NAALADL2: variants seen among roughly 807,000 people sequenced by gnomAD.
The protein encoded by NAALADL2 is N-acetylated alpha-linked acidic dipeptidase like 2, also known as inactive N-acetylated-alpha-linked acidic dipeptidase-like protein 2.
NAALADL2 carries 76 observed loss-of-function variants against 87.2 expected under a neutral mutation model. The observed-to-expected ratio is 0.87, with a 90% CI of 0.72 to 1.05. The LOEUF is 1.05. Ranked by LOEUF, NAALADL2 falls within the 50% of genes least tolerant of loss-of-function variation. The pLI, the probability that NAALADL2 is intolerant of heterozygous loss-of-function variation, is 0.00. For missense variants in NAALADL2, 1,089 were observed against 945.8 expected (o/e 1.15, Z -1.99); for synonymous variants, 354 against 331.0 (o/e 1.07, Z -0.75).
At chr3:175,787,307 C>T (rs1387918114) in intron 13 of NAALADL2, among the ~76,000 whole-genome samples, 6 of 152,080 alleles carry the variant, frequency 3.9e-5, no homozygotes, top group Non-Finnish European at 7.4e-5. Flanking sequence ...GCCCCTCCCC[C>T]AGCCTTCCTG....
At chr3:175,349,689 T>C (rs1211210194) in intron 5 of NAALADL2, among the ~76,000 whole-genome samples, 1 of 152,178 alleles carries the variant, frequency 6.6e-6, no homozygotes, top group African/African-American at 2.4e-5. Context: ...AGGAGACTGA[T>C]ACTCAGTATT....
At chr3:174,632,006 A>G (rs749040432) in intron 2 of NAALADL2, 10 of 152,220 alleles carry the variant, frequency 6.6e-5, no homozygotes, top group Non-Finnish European at 1.5e-5. Context: ...TTTAAAAGAT[A>G]TATTCCCTTT....
At chr3:175,043,841 A>G (rs1221952733) in intron 1 of NAALADL2, among the ~76,000 whole-genome samples, 1 of 152,150 alleles carries the variant, frequency 6.6e-6, no homozygotes, top group Non-Finnish European at 1.5e-5. Flanking sequence ...TACTTGCTTA[A>G]GATTGCTTTA....
At chr3:174,753,048 G>A (rs1032761325) in intron 3 of NAALADL2, among the ~76,000 whole-genome samples, 2 of 152,130 alleles carry the variant, frequency 1.3e-5, no homozygotes, top group African/African-American at 2.4e-5. Flanking sequence ...TTTTGTGTAC[G>A]TATCTCTAAT....
In NAALADL2 at chr3:175,274,925, A is replaced by T. The variant is rs146225573; in HGVS notation, c.939+18395A>T. 2.0e-5 allele frequency among the ~76,000 whole-genome samples: 3 copies of T among 152,330 alleles called. No individual in the cohort carries two copies. In the East Asian group the frequency reaches 5.8e-4, roughly 29 times the overall value. On this transcript the variant is annotated intron_variant, in intron 4 of 13. Coordinates refer to ENST00000454872, the MANE Select transcript of NAALADL2 (RefSeq NM_207015.3). ...CAAAAAGGCGTTATTCCCTTAATTG[A>T]GAAAAAAACTTGTCAGGAAGACAAA...
chr3:174,993,532 T>C (rs571413444), intron 1 of NAALADL2, among the ~76,000 whole-genome samples: 2 of 152,108 alleles, frequency 1.3e-5, no homozygotes, highest in Non-Finnish European at 2.9e-5. Context: ...GACAGGGGAA[T>C]TGCCCAAGTC....
intron 2 of NAALADL2, among the ~76,000 whole-genome samples, chr3:175,188,725 C>A (rs1737706198): frequency 6.6e-6 from 1 of 152,098 alleles, no homozygotes; most frequent in African/African-American, 2.4e-5. Flanking sequence ...AAATGTGTAC[C>A]ATTCCTTGGT....
intron 2 of NAALADL2, among the ~76,000 whole-genome samples, chr3:175,219,602 T>C (rs897327908): frequency 2.6e-5 from 4 of 152,136 alleles, no homozygotes; most frequent in Admixed American, 2.6e-4. Context: ...ATAGTAAAGA[T>C]GTTCTCCTTT....
chr3:174,710,230 C>CTTTTTTTTTTTTTTTTTTTTTTTT (rs57899491), intron 2 of NAALADL2, among the ~76,000 whole-genome samples: 5 of 136,350 alleles, frequency 3.7e-5, no homozygotes, highest in Non-Finnish European at 1.6e-5. Context: ...TATGAGCCTC[C>CTTTTTTTTTTTTTTTTTTTTTTTT]TTTTTTTTTT....
intron 10 of NAALADL2, among the ~76,000 whole-genome samples, chr3:175,625,486 G>A (rs1156818532): frequency 6.6e-6 from 1 of 152,008 alleles, no homozygotes; most frequent in Admixed American, 6.6e-5. Flanking sequence ...TTTAGTCTAA[G>A]CAAGGAGTTT....
At chr3:175,499,411 A>G (rs1729242455) in intron 9 of NAALADL2, among the ~76,000 whole-genome samples, 1 of 149,870 alleles carries the variant, frequency 6.7e-6, no homozygotes, top group Non-Finnish European at 1.5e-5. Context: ...ATTTTTGTTT[A>G]AAAATTAAAC....
Position 175,233,984 on chromosome 3 carries a change from T to C in NAALADL2, c.599T>C (p.Ile200Thr), listed in dbSNP as rs369168988. Residue 200 changes from isoleucine to threonine, a missense_variant, in exon 3 of 14, where the codon ATT becomes ACT. Coordinates refer to ENST00000454872, the MANE Select transcript of NAALADL2 (RefSeq NM_207015.3). ...NEDDMEISKKIKTQWTSLGLE... is the reference protein window; with the variant it reads ...NEDDMEISKKTKTQWTSLGLE... ...GATGACATGGAAATTTCAAAGAAGA[T>C]TAAGACTCAGTGGACCTCTTTGGGC... 20 of 1,608,070 alleles carry C rather than the reference T, an allele frequency of 1.2e-5. No homozygotes were observed. Among genetic ancestry groups the C allele is most frequent in the African/African-American group, 6.7e-5 (5 of 74,932 alleles).
At chr3:174,645,757 T>C (rs1723716486) in intron 2 of NAALADL2, among the ~76,000 whole-genome samples, 1 of 152,228 alleles carries the variant, frequency 6.6e-6, no homozygotes, top group Non-Finnish European at 1.5e-5. Context: ...GTTTCAACCA[T>C]GTGTACTGTG....
At chr3:174,487,254 A>G (rs1265625906) in intron 1 of NAALADL2, among the ~76,000 whole-genome samples, 1 of 152,038 alleles carries the variant, frequency 6.6e-6, no homozygotes, top group African/African-American at 2.4e-5. Context: ...AGCCAAAGCC[A>G]ATTCTTTGTC....
At chr3:175,783,094 T>C (rs1489914699) in intron 13 of NAALADL2, among the ~76,000 whole-genome samples, 1 of 151,514 alleles carries the variant, frequency 6.6e-6, no homozygotes, top group African/African-American at 2.4e-5. Context: ...TACCATGCTG[T>C]TTTGGTTACT....
At chr3:174,661,062 G>A (rs973841922) in intron 2 of NAALADL2, among the ~76,000 whole-genome samples, 4 of 152,066 alleles carry the variant, frequency 2.6e-5, no homozygotes, top group Admixed American at 6.6e-5. Context: ...CCTTACTCTT[G>A]ATTAAAATGC....
chr3:175,001,822 CT>C (rs1046009011), intron 1 of NAALADL2, among the ~76,000 whole-genome samples: 1 of 152,078 alleles, frequency 6.6e-6, no homozygotes, highest in Non-Finnish European at 1.5e-5. Context: ...AAATCTAAAA[CT>C]TTTTTAGTGC....
chr3:175,029,307 G>C (rs1234396387), intron 1 of NAALADL2, among the ~76,000 whole-genome samples: 3 of 152,006 alleles, frequency 2.0e-5, no homozygotes, highest in Non-Finnish European at 4.4e-5. Flanking sequence ...TTCAGGTAGA[G>C]CTGAAATTCC....
At chr3:175,737,826 C>T (rs539692897) in intron 12 of NAALADL2, among the ~76,000 whole-genome samples, 2 of 148,206 alleles carry the variant, frequency 1.3e-5, no homozygotes, top group South Asian at 4.3e-4. Context: ...GGTATGGGCC[C>T]CATTCCATTT....
Sources: allele counts gnomAD v4.1 joint callset (sites outside exome capture counted in the v4.1 genomes callset), GRCh38; gene constraint gnomAD v4.1.1; transcripts MANE v1.5; gene names NCBI Gene and HGNC (gene_info 2026-07-23, HGNC 2026-07-21).